The following LGR6 variants were observed in gnomAD, a reference collection of about 807,000 sequenced individuals.
LGR6 encodes leucine-rich repeat-containing G protein-coupled receptor 6.
In LGR6, 45 loss-of-function variants were observed where a neutral mutation model predicts 69.4. The ratio of observed to expected loss-of-function variants is 0.65; its 90% CI spans 0.51 to 0.83. LGR6 has a LOEUF of 0.83. LGR6 is among the 40% of genes least tolerant of loss of function. The probability of loss-of-function intolerance (pLI) is 0.00; values close to 1 mark genes in which losing one functional copy is unlikely to be tolerated. For synonymous variants in LGR6, 538 were observed against 555.0 expected (o/e 0.97, Z 0.43); for missense variants, 1,108 against 1,246.7 (o/e 0.89, Z 1.68).
chr1:202,305,456 A>T (rs1205404347), intron 11 of LGR6, among the ~76,000 whole-genome samples: 1 of 152,088 alleles, frequency 6.6e-6, no homozygotes, highest in East Asian at 1.9e-4. Context: ...GGGTAGTCCC[A>T]TCTAGGCCCA....
chr1:202,250,332 C>CT (rs1315306604), intron 4 of LGR6, among the ~76,000 whole-genome samples: 1 of 152,000 alleles, frequency 6.6e-6, no homozygotes, highest in Admixed American at 6.6e-5. Flanking sequence ...CCTCTATACT[C>CT]TGAGTTCTAC....
At chr1:202,257,284 C>A (rs901855610) in intron 4 of LGR6, among the ~76,000 whole-genome samples, 7 of 152,100 alleles carry the variant, frequency 4.6e-5, no homozygotes, top group African/African-American at 1.7e-4. Flanking sequence ...TCCTTTGAAG[C>A]ACAAAAGTTT....
chr1:202,211,660 C>T (rs764804140), intron 1 of LGR6, among the ~76,000 whole-genome samples: 5 of 152,126 alleles, frequency 3.3e-5, no homozygotes, highest in Non-Finnish European at 7.4e-5. Flanking sequence ...TGCGCCTGGC[C>T]CAGAGTTTGT....
intron 1 of LGR6, among the ~76,000 whole-genome samples, chr1:202,205,439 CCTT>C (rs1659156937): frequency 3.5e-5 from 4 of 114,796 alleles, no homozygotes; most frequent in African/African-American, 6.6e-5. Context: ...ACACACACCT[CCTT>C]CAAACACACA....
At chr1:202,238,387 G>A (rs1015496297) in intron 4 of LGR6, among the ~76,000 whole-genome samples, 2 of 142,366 alleles carry the variant, frequency 1.4e-5, no homozygotes, top group African/African-American at 5.2e-5. Flanking sequence ...GATTACAGGA[G>A]TAAGCCACTG....
chr1:202,247,502 C>T lies in LGR6; in HGVS notation c.428+11509C>T, dbSNP rs535888349. Among the ~76,000 whole-genome samples, 9 of 152,234 alleles carry T rather than the reference C, an allele frequency of 5.9e-5. No individual in the cohort carries two copies. The East Asian group carries it at 7.7e-4, about 13-fold the overall frequency. ...GCAGAAAGTCTCCAACCCTTAGAAC[C>T]GCTTTTTTGTACCCCCGCAGTCACT... On this transcript the variant is annotated intron_variant, in intron 4 of 17. Coordinates refer to ENST00000367278, the MANE Select transcript of LGR6 (RefSeq NM_001017403.2).
At chr1:202,278,923 CAT>C (rs1345055397) in intron 5 of LGR6, among the ~76,000 whole-genome samples, 1 of 152,170 alleles carries the variant, frequency 6.6e-6, no homozygotes, top group East Asian at 1.9e-4. Flanking sequence ...GCAGTGGTGT[CAT>C]GTGTGTAATC....
At chr1:202,267,046 G>A (rs900906856) in intron 4 of LGR6, among the ~76,000 whole-genome samples, 6 of 152,150 alleles carry the variant, frequency 3.9e-5, no homozygotes, top group African/African-American at 1.4e-4. Context: ...TCTTAGAACT[G>A]TGCCATCCAG....
chr1:202,317,560 G>A (rs1401085985), intron 17 of LGR6, among the ~76,000 whole-genome samples: 2 of 152,090 alleles, frequency 1.3e-5, no homozygotes, highest in Non-Finnish European at 2.9e-5. Context: ...TGGCCAGGCT[G>A]GTCTCAAACT....
intron 16 of LGR6, among the ~76,000 whole-genome samples, chr1:202,310,702 GTAT>G (rs577171770): frequency 1.1e-3 from 170 of 152,188 alleles, no homozygotes; most frequent in African/African-American, 3.8e-3. Flanking sequence ...CAACCTCAGG[GTAT>G]TCTCAGAGAA....
Position 202,247,203 on chromosome 1 carries a change from C to T in LGR6, c.428+11210C>T, listed in dbSNP as rs571072505. 2.4e-3 allele frequency among the ~76,000 whole-genome samples: 361 copies of T among 152,370 alleles called. 3 individuals are homozygous for T. The highest frequency in any genetic ancestry group is 0.01 in the Middle Eastern group (3 of 294). ...ACAGCTAGGTTTGGGAGCCACTGCTCCAATCCTCGCCACTCAAAGTGAGCT... is the reference window on the plus strand; with the variant it reads ...ACAGCTAGGTTTGGGAGCCACTGCTTCAATCCTCGCCACTCAAAGTGAGCT... On this transcript the variant is annotated intron_variant, in intron 4 of 17. Coordinates refer to ENST00000367278, the MANE Select transcript of LGR6 (RefSeq NM_001017403.2).
intron 1 of LGR6, among the ~76,000 whole-genome samples, chr1:202,204,405 AACACACACCAC>A (rs1246934719): frequency 1.0e-5 from 1 of 95,312 alleles, no homozygotes; most frequent in African/African-American, 4.2e-5. Flanking sequence ...CACACCTCCA[AACACACACCAC>A]ACACACACCT....
chr1:202,291,680 C>T lies in LGR6; in HGVS notation c.717-5828C>T, dbSNP rs561051347. 3.3e-3 allele frequency among the ~76,000 whole-genome samples: 504 copies of T among 152,328 alleles called. 4 individuals are homozygous for T. The highest frequency in any genetic ancestry group is 0.011 in the African/African-American group (461 of 41,572). On this transcript the variant is annotated intron_variant, in intron 6 of 17. Transcript: ENST00000367278. ...CTCAGATTGCCTGGACTTCAATCCC[C>T]GCCCTTCTAATACTAGCTGTGGAAC...
At chr1:202,214,985 A>C (rs1263537996) in intron 1 of LGR6, among the ~76,000 whole-genome samples, 1 of 127,576 alleles carries the variant, frequency 7.8e-6, no homozygotes, top group East Asian at 2.7e-4. Flanking sequence ...GTTTGGGTGC[A>C]CCTGGGTGTG....
At chr1:202,259,035 A>G (rs1005830188) in intron 4 of LGR6, among the ~76,000 whole-genome samples, 2 of 152,044 alleles carry the variant, frequency 1.3e-5, no homozygotes, top group East Asian at 1.9e-4. Flanking sequence ...TTTTTTTAGT[A>G]TATATTATGG....
chr1:202,235,505 C>T (rs1661466872), intron 3 of LGR6, among the ~76,000 whole-genome samples: 1 of 152,196 alleles, frequency 6.6e-6, no homozygotes, highest in African/African-American at 2.4e-5. Context: ...CCTCCCCTTC[C>T]ATAAAGAAAC....
rs763826160 is a variant in LGR6, at chr1:202,193,948, C to A, written c.-42C>A. On this transcript the variant is annotated 5_prime_UTR_variant, in exon 1 of 18. Coordinates refer to ENST00000367278, the MANE Select transcript of LGR6 (RefSeq NM_001017403.2). ...CAGCTGCGGCCATCGCGCCGTGCGT[C>A]CGCGCCCGGCCGCCAGGTGCCCCAG... The A allele has an allele frequency of 4.0e-6, 5 of 1,241,618 alleles. No homozygotes were observed. The highest frequency in any genetic ancestry group is 2.2e-5 in the South Asian group (1 of 45,374). The allele number at this position is 1,241,618 out of a possible 1,614,324, so 76.9% of individuals were successfully genotyped here. A position where few individuals can be genotyped will look rare whatever the true frequency, so the allele number is the denominator to read the frequency against.
At chr1:202,232,101 CA>C (rs34791544) in intron 3 of LGR6, among the ~76,000 whole-genome samples, 55,385 of 143,268 alleles carry the variant, frequency 0.39, 11,502 homozygotes, top group East Asian at 0.7. Flanking sequence ...AACGCCGTCT[CA>C]AAAAAAAAAA....
chr1:202,304,062 C>A (rs79880325), intron 10 of LGR6, among the ~76,000 whole-genome samples: 2 of 152,338 alleles, frequency 1.3e-5, no homozygotes, highest in East Asian at 3.9e-4. Context: ...CTCTCCAGCC[C>A]AGCTCCTGGT....
Sources: gnomAD v4.1 joint callset for allele counts (sites outside exome capture counted in the v4.1 genomes callset) on GRCh38, gnomAD v4.1.1 for gene constraint, MANE v1.5 for transcripts, NCBI Gene and HGNC (gene_info 2026-07-23, HGNC 2026-07-21) for gene names.